The following SMYD2 variants were observed in gnomAD, a reference collection of about 807,000 sequenced individuals.
SMYD2 encodes N-lysine methyltransferase SMYD2.
In SMYD2, 53 loss-of-function variants were observed where a neutral mutation model predicts 59.1. That is an observed-to-expected ratio of 0.90 (90% CI 0.72 to 1.13). The LOEUF (loss-of-function observed/expected upper bound fraction) is 1.13. Ranked by LOEUF, SMYD2 falls within the 50% of genes most tolerant of loss-of-function variation. The pLI is 0.00. For missense variants in SMYD2, 494 were observed against 544.7 expected (o/e 0.91, Z 0.93); for synonymous variants, 208 against 198.8 (o/e 1.05, Z -0.39).
In SMYD2 at chr1:214,331,049, C is replaced by T. The variant is rs887231491; in HGVS notation, c.916C>T (p.Arg306Trp). 1.4e-5 allele frequency: 23 copies of T among 1,614,064 alleles called. No homozygotes were observed. Among genetic ancestry groups the T allele is most frequent in the Admixed American group, 5.0e-5 (3 of 60,002 alleles). ...RYARNVIEEF[R>W]RAKHYKSPSE... is the part of the protein sequence containing the mutation. ...TGCACGCAACGTCATTGAAGAGTTC[C>T]GGAGGGCCAAGCACTATAAATATAT... Residue 306 changes from arginine to tryptophan, a missense_variant, in exon 9 of 12, where the codon CGG becomes TGG. Arg to Trp is a moderately radical substitution (Grantham distance 101). Transcript: ENST00000366957.
At chr1:214,298,804 C>T (rs917810725) in intron 1 of SMYD2, among the ~76,000 whole-genome samples, 2 of 152,152 alleles carry the variant, frequency 1.3e-5, no homozygotes, top group African/African-American at 4.8e-5. Flanking sequence ...ACATCAAAAC[C>T]ACGATGAGAA....
At chr1:214,322,946 C>T (rs115761987) in intron 5 of SMYD2, among the ~76,000 whole-genome samples, 122 of 152,234 alleles carry the variant, frequency 8.0e-4, no homozygotes, top group African/African-American at 2.8e-3. Flanking sequence ...CATCTGTTGG[C>T]CTGAATTGTA....
chr1:214,323,180 T>C (rs1657200566), intron 5 of SMYD2, among the ~76,000 whole-genome samples: 1 of 152,214 alleles, frequency 6.6e-6, no homozygotes, highest in Non-Finnish European at 1.5e-5. Flanking sequence ...TTTAGAGACA[T>C]GAAGATCACC....
chr1:214,303,868 T>C (rs983911664), intron 1 of SMYD2, among the ~76,000 whole-genome samples: 1 of 152,262 alleles, frequency 6.6e-6, no homozygotes, highest in Non-Finnish European at 1.5e-5. Context: ...TCTGCGGCAG[T>C]GTAGCCGCTT....
chr1:214,310,988 A>G (rs1656990943), intron 2 of SMYD2, among the ~76,000 whole-genome samples: 2 of 152,228 alleles, frequency 1.3e-5, no homozygotes, highest in Non-Finnish European at 2.9e-5. Context: ...CCTTCAAAAA[A>G]GAAAGTGAAA....
intron 11 of SMYD2, among the ~76,000 whole-genome samples, chr1:214,336,469 TTGCAGTGAGCGGAGATCGCACCAC>T (rs1197255384): frequency 3.9e-5 from 6 of 152,310 alleles, no homozygotes; most frequent in Admixed American, 2.0e-4. Context: ...GATGCGGAGC[TTGCAGTGAGCGGAGATCGCACCAC>T]TGCACTCCAG....
chr1:214,293,280 C>G (rs954486145), intron 1 of SMYD2, among the ~76,000 whole-genome samples: 2 of 152,042 alleles, frequency 1.3e-5, no homozygotes, highest in African/African-American at 2.4e-5. Context: ...TCTCGAACTC[C>G]CGACCTCAGG....
chr1:214,309,164 C>G (rs1248657972), intron 2 of SMYD2, among the ~76,000 whole-genome samples: 1 of 152,198 alleles, frequency 6.6e-6, no homozygotes, highest in Non-Finnish European at 1.5e-5. Context: ...TGTCCCGTTA[C>G]TTTCCTCTTA....
intron 6 of SMYD2, 43 bp from the exon 7 acceptor site, chr1:214,327,575 TCTGC>T (rs768411353): frequency 6.1e-6 from 9 of 1,470,510 alleles, no homozygotes; most frequent in Non-Finnish European, 8.6e-6. Flanking sequence ...AGCTAAACAG[TCTGC>T]CTATCTCATT....
Position 214,281,339 on chromosome 1 carries a change from G to A in SMYD2, c.85G>A (p.Val29Met). The change falls in exon 1 of 12, where the codon GTG becomes ATG. Residue 29 changes from valine (V) to methionine (M), a missense_variant. Coordinates refer to ENST00000366957, the MANE Select transcript of SMYD2 (RefSeq NM_020197.3). ...RGLRALQPFQ[V>M]GDLLFSCPAY... ...GCTGCGGGCTCTGCAGCCCTTCCAG[G>A]TGGGGGACTTGCTGTTCTCCTGCCC... 1 of 1,447,026 alleles carries A rather than the reference G, an allele frequency of 6.9e-7. No individual in the cohort carries two copies. Among genetic ancestry groups the A allele is most frequent in the Non-Finnish European group, 9.2e-7 (1 of 1,091,512 alleles). The allele number at this position is 1,447,026 out of a possible 1,614,324, so 89.6% of individuals were successfully genotyped here.
At chr1:214,306,252 T>C (rs36116610) in intron 2 of SMYD2, among the ~76,000 whole-genome samples, 16,158 of 152,102 alleles carry the variant, frequency 0.11, 1,091 homozygotes, top group Middle Eastern at 0.2. Flanking sequence ...CGGTCTACTT[T>C]GGATTACCCA....
intron 1 of SMYD2, among the ~76,000 whole-genome samples, chr1:214,295,643 G>GC (rs1368992236): frequency 6.6e-6 from 1 of 152,168 alleles, no homozygotes; most frequent in Non-Finnish European, 1.5e-5. Context: ...TCAGAACAAA[G>GC]CCTGGTGCTG....
chr1:214,325,822 G>T (rs184564925), intron 6 of SMYD2, among the ~76,000 whole-genome samples: 29 of 148,352 alleles, frequency 2.0e-4, no homozygotes, highest in African/African-American at 7.2e-4. Context: ...GAAAAGGCAG[G>T]AGAAAAAGAG....
At chr1:214,319,552 G>T (rs192425144) in intron 5 of SMYD2, among the ~76,000 whole-genome samples, 35 of 152,256 alleles carry the variant, frequency 2.3e-4, no homozygotes, top group African/African-American at 8.2e-4. Context: ...GAAATCTTAG[G>T]CTTCTAAGCA....
At chr1:214,288,262 C>A (rs904094500) in intron 1 of SMYD2, among the ~76,000 whole-genome samples, 1 of 152,218 alleles carries the variant, frequency 6.6e-6, no homozygotes, top group Non-Finnish European at 1.5e-5. Flanking sequence ...TTATTTTGAT[C>A]CTTCCAAGGA....
chr1:214,330,643 G>A (rs182210160), intron 8 of SMYD2, among the ~76,000 whole-genome samples: 10 of 152,274 alleles, frequency 6.6e-5, no homozygotes, highest in East Asian at 3.9e-4. Context: ...AAATTGTTCC[G>A]TCAATGCCAT....
intron 5 of SMYD2, among the ~76,000 whole-genome samples, chr1:214,319,756 T>G (rs1244726523): frequency 1.3e-5 from 2 of 152,216 alleles, no homozygotes; most frequent in Non-Finnish European, 2.9e-5. Flanking sequence ...GCCTTTGCGA[T>G]GCCCTCTACA....
chr1:214,285,263 G>A (rs906048956), intron 1 of SMYD2, among the ~76,000 whole-genome samples: 4 of 152,114 alleles, frequency 2.6e-5, no homozygotes, highest in South Asian at 2.1e-4. Flanking sequence ...TTATCAAACC[G>A]GCAGAATAAT....
At chr1:214,314,046 A>G (rs530554883) in intron 2 of SMYD2, among the ~76,000 whole-genome samples, 54 of 152,232 alleles carry the variant, frequency 3.5e-4, no homozygotes, top group African/African-American at 1.1e-3. Context: ...GCGTAGTGGC[A>G]CACACCTGTA....
Sources: gnomAD v4.1 joint callset for allele counts (sites outside exome capture counted in the v4.1 genomes callset) on GRCh38, gnomAD v4.1.1 for gene constraint, MANE v1.5 for transcripts, NCBI Gene and HGNC (gene_info 2026-07-23, HGNC 2026-07-21) for gene names.